Variants in LRP1B observed in about 807,000 individuals in gnomAD.
LRP1B encodes the protein low-density lipoprotein receptor-related protein 1B.
LRP1B carries 217 observed loss-of-function variants against 556.6 expected under a neutral mutation model. The observed-to-expected ratio is 0.39, with a 90% CI of 0.35 to 0.44. The LOEUF is 0.44. Among genes scored for constraint, LRP1B ranks in the 20% least tolerant of loss-of-function variants. The pLI, the probability that LRP1B is intolerant of heterozygous loss-of-function variation, is 1.00. For synonymous variants in LRP1B, 2,047 were observed against 1,865.8 expected (o/e 1.10, Z -2.50); for missense variants, 5,053 against 5,620.8 (o/e 0.90, Z 3.23).
intron 22 of LRP1B, 122 bp downstream of exon 22, chr2:140,907,755 G>A (rs1431312544): frequency 1.1e-6 from 1 of 874,896 alleles, no homozygotes; most frequent in Non-Finnish European, 1.9e-6. Context: ...AAGGTTCAAT[G>A]CTAAAAGCTA....
intron 65 of LRP1B, among the ~76,000 whole-genome samples, chr2:140,443,657 C>T (rs12373650): frequency 0.24 from 35,871 of 152,126 alleles, 4,598 homozygotes; most frequent in Non-Finnish European, 0.28. Flanking sequence ...TGTGAGCATG[C>T]GTGCAAGCAT....
intron 41 of LRP1B, chr2:140,683,542 G>C (rs1374105738): frequency 6.3e-6 from 4 of 637,920 alleles, no homozygotes; most frequent in Non-Finnish European, 3.0e-6. Context: ...GGATTTCCTT[G>C]ATCTGCTTTC....
chr2:140,555,886 T>C (rs538425163), intron 43 of LRP1B, among the ~76,000 whole-genome samples: 7 of 152,242 alleles, frequency 4.6e-5, no homozygotes, highest in Admixed American at 1.3e-4. Context: ...TTGTTATGTC[T>C]ATTTAGTAAC....
intron 59 of LRP1B, among the ~76,000 whole-genome samples, chr2:140,485,098 T>C (rs1289896768): frequency 6.6e-6 from 1 of 152,178 alleles, no homozygotes; most frequent in Non-Finnish European, 1.5e-5. Flanking sequence ...CATGGATTTA[T>C]CAACTAGTTG....
chr2:140,645,572 C>T (rs1471150866), intron 41 of LRP1B, among the ~76,000 whole-genome samples: 2 of 112,468 alleles, frequency 1.8e-5, no homozygotes, highest in African/African-American at 7.3e-5. Flanking sequence ...TGGAGTCTTG[C>T]TCTGTCGCCC....
At chr2:140,615,409 C>T (rs1372250) in intron 41 of LRP1B, among the ~76,000 whole-genome samples, 34,081 of 151,984 alleles carry the variant, frequency 0.22, 4,186 homozygotes, top group Admixed American at 0.3. Context: ...GTAATAATAA[C>T]TTCTGTCTGA....
chr2:142,105,174 A>ATAGGTCATCACTATCCCCAGATGTCC lies in LRP1B; in HGVS notation c.82+25448_82+25473dup, dbSNP rs1270339305. Among the ~76,000 whole-genome samples the ATAGGTCATCACTATCCCCAGATGTCC allele has an allele frequency of 2.0e-5, 3 of 152,158 alleles. No homozygotes were observed. In the East Asian group the frequency reaches 5.8e-4, roughly 29 times the overall value. On this transcript the variant is annotated intron_variant, in intron 1 of 90. Coordinates refer to ENST00000389484, the MANE Select transcript of LRP1B (RefSeq NM_018557.3). ...GTGAAACCAAAAAGGAGAGCAAATT[A>ATAGGTCATCACTATCCCCAGATGTCC]TAGGTCATCACTATCCCCAGATGTC...
intron 2 of LRP1B, among the ~76,000 whole-genome samples, chr2:141,634,717 T>A (rs906557304): frequency 6.6e-6 from 1 of 151,998 alleles, no homozygotes; most frequent in Non-Finnish European, 1.5e-5. Flanking sequence ...TTTTATATAT[T>A]TGTATGAAAT....
At position 141,131,407 on chromosome 2, in the gene LRP1B, T is replaced by TTTTATATATATATATATATA. The variant is rs976965390; in HGVS notation, c.1013+57013_1013+57014insTATATATATATATATATAAA. The stretch of plus-strand genomic sequence containing the variant: ...GGTTACAAAATTATAATGCATAAAG[T>TTTTATATATATATATATATA]TATATATATATATATATATATATTT... On this transcript the variant is annotated intron_variant, in intron 7 of 90. Transcript: ENST00000389484. Among the ~76,000 whole-genome samples the TTTTATATATATATATATATA allele has an allele frequency of 2.3e-3, 256 of 110,682 alleles. 5 individuals are homozygous for TTTTATATATATATATATATA. Among genetic ancestry groups the TTTTATATATATATATATATA allele is most frequent in the African/African-American group, 9.5e-3 (245 of 25,844 alleles). 72.6% of individuals were successfully genotyped at this position (110,682 alleles called of 152,430 possible). A position where few individuals can be genotyped will look rare whatever the true frequency, so the allele number is the denominator to read the frequency against.
At chr2:141,902,173 TTAATAATAA>T (rs924340981) in intron 1 of LRP1B, among the ~76,000 whole-genome samples, 1 of 151,194 alleles carries the variant, frequency 6.6e-6, no homozygotes, top group African/African-American at 2.4e-5. Flanking sequence ...AATATACATA[TTAATAATAA>T]TAATAATAAA....
chr2:141,877,894 A>C (rs758325688), intron 1 of LRP1B, among the ~76,000 whole-genome samples: 2 of 152,014 alleles, frequency 1.3e-5, no homozygotes, highest in Non-Finnish European at 2.9e-5. Flanking sequence ...TAGATGTTTA[A>C]AGCTGAATTC....
chr2:141,225,348 T>A (rs1683202758), intron 6 of LRP1B, among the ~76,000 whole-genome samples: 1 of 152,162 alleles, frequency 6.6e-6, no homozygotes, highest in South Asian at 2.1e-4. Context: ...GATGACAATA[T>A]GGTTCTGAAT....
intron 82 of LRP1B, among the ~76,000 whole-genome samples, chr2:140,317,469 G>A (rs539637675): frequency 6.6e-6 from 1 of 150,874 alleles, no homozygotes; most frequent in South Asian, 2.1e-4. Flanking sequence ...GGACAATTAG[G>A]TGGGAACACA....
intron 43 of LRP1B, among the ~76,000 whole-genome samples, chr2:140,577,805 G>GT (rs1488785778): frequency 1.3e-5 from 2 of 152,058 alleles, no homozygotes; most frequent in Non-Finnish European, 2.9e-5. Context: ...ATCAAAATCA[G>GT]TTTTTTGCCT....
chr2:141,236,791 A>T (rs577729217), intron 5 of LRP1B, among the ~76,000 whole-genome samples: 12 of 152,278 alleles, frequency 7.9e-5, no homozygotes, highest in Non-Finnish European at 2.9e-5. Context: ...CAGTGCAGAA[A>T]TGAAGAATGG....
At chr2:140,987,173 T>C (rs1025449428) in intron 17 of LRP1B, among the ~76,000 whole-genome samples, 1 of 152,166 alleles carries the variant, frequency 6.6e-6, no homozygotes, top group African/African-American at 2.4e-5. Context: ...GGCATGTTTA[T>C]TTTTCTTTGT....
intron 2 of LRP1B, among the ~76,000 whole-genome samples, chr2:141,692,395 T>C (rs1477632111): frequency 6.6e-6 from 1 of 152,044 alleles, no homozygotes; most frequent in African/African-American, 2.4e-5. Context: ...ACAAGGACTT[T>C]GAATCAACTG....
At position 140,923,133 on chromosome 2, in the gene LRP1B, C is replaced by T. The variant is rs2105258941; in HGVS notation, c.3151G>A (p.Ala1051Thr). ...TGAAATTCATTTCCGTTACAACCAG[C>T]AGGAGAATGAATCTCTTAATTTGAA... ...NCTKEEIHSP[A>T]GCNGNEFQCH... Residue 1051 changes from alanine to threonine, a missense_variant, in exon 21 of 91, where the codon GCT becomes ACT. Ala to Thr is a moderately conservative substitution (Grantham distance 58). Coordinates refer to ENST00000389484, the MANE Select transcript of LRP1B (RefSeq NM_018557.3). 6.2e-7 allele frequency: 1 copy of T among 1,611,564 alleles called. No homozygotes were observed. Among genetic ancestry groups the T allele is most frequent in the Non-Finnish European group, 8.5e-7 (1 of 1,178,602 alleles).
At chr2:142,045,154 A>AC (rs561108983) in intron 1 of LRP1B, among the ~76,000 whole-genome samples, 4 of 148,654 alleles carry the variant, frequency 2.7e-5, no homozygotes, top group Admixed American at 6.7e-5. Flanking sequence ...AAAAAAAAAA[A>AC]AACAACAACA....
Sources: gnomAD v4.1 joint callset for allele counts (sites outside exome capture counted in the v4.1 genomes callset) on GRCh38, gnomAD v4.1.1 for gene constraint, MANE v1.5 for transcripts, NCBI Gene and HGNC (gene_info 2026-07-23, HGNC 2026-07-21) for gene names.